The following PTHLH variants were observed in gnomAD, a reference collection of about 807,000 sequenced individuals.
PTHLH encodes the protein parathyroid hormone like hormone.
PTHLH carries 5 observed loss-of-function variants against 18.6 expected under a neutral mutation model. That is an observed-to-expected ratio of 0.27 (90% CI 0.14 to 0.56). PTHLH has a LOEUF of 0.56. PTHLH is among the 20% of genes least tolerant of loss of function. PTHLH has a pLI of 0.92. For missense variants in PTHLH, 207 were observed against 223.9 expected (o/e 0.92, Z 0.48); for synonymous variants, 90 against 94.0 (o/e 0.96, Z 0.25).
At position 27,963,732 on chromosome 12, in the gene PTHLH, T is replaced by C. The variant is rs1565522051; in HGVS notation, c.140A>G (p.Lys47Arg). 6.2e-7 allele frequency: 1 copy of C among 1,613,768 alleles called. No individual in the cohort carries two copies. Among genetic ancestry groups the C allele is most frequent in the African/African-American group, 1.3e-5 (1 of 74,994 alleles). ...CCGTAAATCTTGGATGGACTTCCCC[T>C]TGTCATGGAGGAGCTGATGTTCAGA... is the stretch of plus-strand genomic sequence containing the variant. ...AVSEHQLLHDKGKSIQDLRRR... is the reference protein window; with the variant it reads ...AVSEHQLLHDRGKSIQDLRRR... Residue 47 changes from lysine (K) to arginine (R), a missense_variant, in exon 5 of 6, where the codon AAG (lysine) becomes AGG (arginine). Lys to Arg is a conservative substitution (Grantham distance 26). Transcript: ENST00000545234.
In PTHLH at chr12:27,958,529, T is replaced by G; in HGVS notation, c.*30A>C. On this transcript the variant is annotated 3_prime_UTR_variant, in exon 6 of 6. Coordinates refer to ENST00000545234, the MANE Select transcript of PTHLH (RefSeq NM_198965.2). ...TGTTCACTATTACAGAATCCTGCAATATGTCCTTGGAAGGTCTCTGCTGAA... is the reference window on the plus strand; with the variant it reads ...TGTTCACTATTACAGAATCCTGCAAGATGTCCTTGGAAGGTCTCTGCTGAA... 1.3e-6 allele frequency: 2 copies of G among 1,561,552 alleles called. No homozygotes were observed. Among genetic ancestry groups the G allele is most frequent in the Non-Finnish European group, 1.7e-6 (2 of 1,148,512 alleles).
Position 27,958,587 on chromosome 12 carries a change from G to A in PTHLH, c.525-19C>T. 1.3e-6 allele frequency: 2 copies of A among 1,561,026 alleles called. No individual in the cohort carries two copies. Among genetic ancestry groups the A allele is most frequent in the Non-Finnish European group, 1.7e-6 (2 of 1,151,108 alleles). On this transcript the variant is annotated intron_variant, in intron 5 of 5. Coordinates refer to ENST00000545234, the MANE Select transcript of PTHLH (RefSeq NM_198965.2). ...ATGCCTCCTGCAAAAAGAAGGAAGA[G>A]AAAGAAAAGGAGAAAACAGGTTAGT...
Position 27,963,529 on chromosome 12 carries a change from T to C in PTHLH, c.343A>G (p.Lys115Glu). 6 of 1,614,256 alleles carry C rather than the reference T, an allele frequency of 3.7e-6. No individual in the cohort carries two copies. The highest frequency in any genetic ancestry group is 5.1e-6 in the Non-Finnish European group (6 of 1,180,044). The change falls in exon 5 of 6, where the codon AAA becomes GAA. Residue 115 changes from lysine to glutamate, a missense_variant. By Grantham distance (56) the Lys-to-Glu change is moderately conservative. Coordinates refer to ENST00000545234, the MANE Select transcript of PTHLH (RefSeq NM_198965.2). ...CCAGGTGTCTTGAGCGGCTGCTCTTTGTACGTCTCCACCTTGTTAGTTTCC... is the reference window on the plus strand; with the variant it reads ...CCAGGTGTCTTGAGCGGCTGCTCTTCGTACGTCTCCACCTTGTTAGTTTCC... ...TQETNKVETY[K>E]EQPLKTPGKK... is the part of the protein sequence containing the mutation.
rs1484112748 is a variant in PTHLH at position 27,972,523 on chromosome 12, C to A, written c.-359G>T. On this transcript the variant is annotated splice_region_variant and 5_prime_UTR_variant, in exon 1 of 6. Coordinates refer to ENST00000545234, the MANE Select transcript of PTHLH (RefSeq NM_198965.2). ...GTTCCCTCCTAATTTATTACTTCAC[C>A]TTTTCCTTGATTTACAATCTTCTCT... The A allele has an allele frequency of 6.6e-6, 1 of 152,166 alleles. No individual in the cohort carries two copies. Among genetic ancestry groups the A allele is most frequent in the Admixed American group, 6.5e-5 (1 of 15,282 alleles). 9.4% of individuals were successfully genotyped at this position (152,166 alleles called of 1,614,324 possible).
At chr12:27,961,228 GA>G (rs1329819756) in intron 5 of PTHLH, among the ~76,000 whole-genome samples, 1 of 135,838 alleles carries the variant, frequency 7.4e-6, no homozygotes, top group Non-Finnish European at 1.6e-5. Flanking sequence ...TTGCAAATTT[GA>G]AATAAATAAA....
At chr12:27,967,345 G>T (rs1351910740) in intron 4 of PTHLH, among the ~76,000 whole-genome samples, 1 of 152,014 alleles carries the variant, frequency 6.6e-6, no homozygotes, top group East Asian at 1.9e-4. Flanking sequence ...AAGTCTTATT[G>T]TTATAGTAAT....
In PTHLH at chr12:27,970,060, T is replaced by C. The variant is rs2062855552; in HGVS notation, c.-58A>G. The C allele has an allele frequency of 1.9e-6, 1 of 518,914 alleles. No individual in the cohort carries two copies. The highest frequency in any genetic ancestry group is 1.9e-5 in the Admixed American group (1 of 51,584). 32.1% of individuals were successfully genotyped at this position (518,914 alleles called of 1,614,324 possible). A position where few individuals can be genotyped will look rare whatever the true frequency, so the allele number is the denominator to read the frequency against. ...GGGCTGGTTGCTTCCGGAAAGTTGA[T>C]TCCACACACCCTGAGAACAAGTTTC... On this transcript the variant is annotated 5_prime_UTR_variant, in exon 3 of 6. Coordinates refer to ENST00000545234, the MANE Select transcript of PTHLH (RefSeq NM_198965.2).
intron 5 of PTHLH, 85 bp downstream of exon 5, chr12:27,963,263 G>T: frequency 6.2e-7 from 1 of 1,604,706 alleles, no homozygotes; most frequent in Non-Finnish European, 8.5e-7. Flanking sequence ...AAAATTCTAG[G>T]TTTGTCCAAG....
chr12:27,963,274 C>T, intron 5 of PTHLH, 74 bp downstream of exon 5: 1 of 1,611,304 alleles, frequency 6.2e-7, no homozygotes, highest in Non-Finnish European at 8.5e-7. Context: ...TTTGTCCAAG[C>T]CAAGGCAGAA....
chr12:27,958,404 A>G lies in PTHLH; in HGVS notation c.*155T>C. 1.7e-6 allele frequency: 1 copy of G among 575,224 alleles called. No homozygotes were observed. The highest frequency in any genetic ancestry group is 2.7e-6 in the Non-Finnish European group (1 of 366,232). The allele number at this position is 575,224 out of a possible 1,614,324, so 35.6% of individuals were successfully genotyped here. On this transcript the variant is annotated 3_prime_UTR_variant, in exon 6 of 6. Transcript: ENST00000545234. ...GCCTTGGCAAAAAAAAAATATTCAC[A>G]ATGACCAATGTGCAGTTTCATAGAG...
At chr12:27,959,207 T>C (rs1318317609) in intron 5 of PTHLH, among the ~76,000 whole-genome samples, 1 of 152,216 alleles carries the variant, frequency 6.6e-6, no homozygotes, top group Non-Finnish European at 1.5e-5. Flanking sequence ...AATGAAACTA[T>C]TATTGGATTT....
At chr12:27,970,356 C>G (rs1009488012) in intron 2 of PTHLH, 89 bp from the exon 3 acceptor site, 1 of 148,690 alleles carries the variant, frequency 6.7e-6, no homozygotes. Flanking sequence ...GGCGGGCGGG[C>G]GCGCGGGGGG....
intron 5 of PTHLH, among the ~76,000 whole-genome samples, chr12:27,959,974 G>T (rs980682259): frequency 2.6e-5 from 4 of 152,116 alleles, no homozygotes; most frequent in Non-Finnish European, 5.9e-5. Flanking sequence ...GGAAGGAAGA[G>T]GATTTTTAAC....
At chr12:27,972,134 G>C (rs949507752) in intron 1 of PTHLH, 115 bp from the exon 2 acceptor site, 1 of 150,856 alleles carries the variant, frequency 6.6e-6, no homozygotes, top group African/African-American at 2.4e-5. Flanking sequence ...AAAAGTCCAA[G>C]GTACCTAGCC....
chr12:27,969,430 G>A lies in PTHLH; in HGVS notation c.65C>T (p.Ser22Phe), dbSNP rs144201366. 19 of 1,594,936 alleles carry A rather than the reference G, an allele frequency of 1.2e-5. No homozygotes were observed. In the Admixed American group the frequency reaches 2.9e-4, roughly 24 times the overall value. The change falls in exon 4 of 6, where the codon TCC (serine) becomes TTC (phenylalanine). Residue 22 changes from serine (S) to phenylalanine (F), a missense_variant. Ser to Phe is a radical substitution (Grantham distance 155, BLOSUM62 -2). Transcript: ENST00000545234. The part of the protein sequence containing the change: ...AVFLLSYAVP[S>F]CGRSVEGLSR... ...GAGACCCTCCACCGAGCGCCCGCAG[G>A]AGGGCACCGCGTAGCTCAGCAGGAA...
intron 5 of PTHLH, among the ~76,000 whole-genome samples, chr12:27,961,488 A>G (rs2062761312): frequency 6.7e-6 from 1 of 150,012 alleles, no homozygotes; most frequent in Non-Finnish European, 1.5e-5. Flanking sequence ...ATGTTTATAT[A>G]TATATGTTTA....
intron 2 of PTHLH, among the ~76,000 whole-genome samples, chr12:27,971,215 G>A: frequency 6.6e-6 from 1 of 152,146 alleles, no homozygotes; most frequent in East Asian, 1.9e-4. Context: ...GCAGCCAGCG[G>A]ACAGATGCAG....
At chr12:27,958,596 G>A in intron 5 of PTHLH, 28 bp from the exon 6 acceptor site, 1 of 1,553,776 alleles carries the variant, frequency 6.4e-7, no homozygotes, top group Admixed American at 1.9e-5. Flanking sequence ...AGAAAGAAAA[G>A]GAGAAAACAG....
intron 4 of PTHLH, among the ~76,000 whole-genome samples, chr12:27,966,113 A>T (rs1361541302): frequency 1.3e-5 from 2 of 152,206 alleles, no homozygotes; most frequent in Non-Finnish European, 2.9e-5. Flanking sequence ...TCATGGGCAT[A>T]TGTGCTTGTC....
Sources: allele counts gnomAD v4.1 joint callset (sites outside exome capture counted in the v4.1 genomes callset), GRCh38; gene constraint gnomAD v4.1.1; transcripts MANE v1.5; gene names NCBI Gene and HGNC (gene_info 2026-07-23, HGNC 2026-07-21).